RBBP8: variants seen among roughly 807,000 people sequenced by gnomAD.
The protein encoded by RBBP8 is RB binding protein 8, endonuclease.
A neutral mutation model predicts 108.3 loss-of-function variants in RBBP8; 88 were observed. The ratio of observed to expected loss-of-function variants is 0.81; its 90% CI spans 0.68 to 0.97. The LOEUF (loss-of-function observed/expected upper bound fraction) is 0.97. Ranked by LOEUF, RBBP8 falls within the 50% of genes least tolerant of loss-of-function variation. The pLI is 0.00. For synonymous variants in RBBP8, 332 were observed against 348.2 expected, an observed-to-expected ratio of 0.95 and a Z score of 0.52; for missense variants, 1,023 against 1,049.0, an observed-to-expected ratio of 0.98 and a Z score of 0.34.
chr18:22,929,503 TGTGTG>T (rs756559598), upstream of RBBP8: 22,578 of 65,618 alleles, frequency 0.34, 2,936 homozygotes, highest in Middle Eastern at 0.41. Flanking sequence ...TGTGTGTGTG[TGTGTG>T]TGAAGAGACA....
intron 3 of RBBP8, chr18:22,920,784 T>C (rs1212807347): frequency 6.6e-6 from 1 of 152,190 alleles, no homozygotes; most frequent in Admixed American, 6.5e-5. Context: ...CTATTAAAAA[T>C]GCAGATCGAT....
intron 16 of RBBP8, among the ~76,000 whole-genome samples, chr18:23,010,258 A>G (rs1480009448): frequency 6.6e-6 from 1 of 152,014 alleles, no homozygotes; most frequent in African/African-American, 2.4e-5. Flanking sequence ...TTCTCTTTTC[A>G]TATTTTTGCC....
At chr18:22,918,528 T>C (rs954560158) in intron 3 of RBBP8, among the ~76,000 whole-genome samples, 4 of 152,242 alleles carry the variant, frequency 2.6e-5, no homozygotes, top group East Asian at 3.8e-4. Flanking sequence ...TATAATCTTA[T>C]AGGACCACTG....
chr18:22,996,355 C>G lies in RBBP8; in HGVS notation c.1940-19C>G. ...TTGAAATCAGTTTTTTAATTGCATG[C>G]TCTTTCCCTTTACCTAAGATGTATC... On this transcript the variant is annotated intron_variant, in intron 12 of 18. Coordinates refer to ENST00000327155, the MANE Select transcript of RBBP8 (RefSeq NM_002894.3). The G allele has an allele frequency of 6.2e-7, 1 of 1,612,756 alleles. No homozygotes were observed. The highest frequency in any genetic ancestry group is 1.1e-5 in the South Asian group (1 of 91,046).
chr18:22,992,440 C>T (rs952077968), intron 10 of RBBP8, among the ~76,000 whole-genome samples: 1 of 152,226 alleles, frequency 6.6e-6, no homozygotes, highest in Non-Finnish European at 1.5e-5. Flanking sequence ...AAGTGATCTG[C>T]CCACCTTGGC....
At chr18:22,987,706 A>C (rs948379263) in intron 8 of RBBP8, among the ~76,000 whole-genome samples, 4 of 152,210 alleles carry the variant, frequency 2.6e-5, no homozygotes, top group African/African-American at 7.2e-5. Context: ...CACCTGCTTC[A>C]GCCTGCCAAA....
At chr18:22,989,929 A>C (rs947778384) in intron 9 of RBBP8, among the ~76,000 whole-genome samples, 3 of 152,164 alleles carry the variant, frequency 2.0e-5, no homozygotes, top group Non-Finnish European at 2.9e-5. Flanking sequence ...TCAGCCTCTC[A>C]AAGTGTTGAG....
chr18:22,959,079 G>A (rs542941443), intron 4 of RBBP8, among the ~76,000 whole-genome samples: 163 of 152,278 alleles, frequency 1.1e-3, no homozygotes, highest in African/African-American at 3.8e-3. Flanking sequence ...GAATGTGATC[G>A]ATAAATGTGG....
chr18:23,015,735 G>A (rs2046244073), intron 16 of RBBP8, among the ~76,000 whole-genome samples: 2 of 151,962 alleles, frequency 1.3e-5, no homozygotes. Context: ...CAATGAAGGT[G>A]CGTGGCTCCT....
chr18:23,024,310 T>G (rs2046420893), intron 18 of RBBP8, among the ~76,000 whole-genome samples: 1 of 144,286 alleles, frequency 6.9e-6, no homozygotes, highest in Admixed American at 6.8e-5. Context: ...AGACATTCAA[T>G]CAAACATTCT....
chr18:23,018,709 T>A (rs955346447), intron 17 of RBBP8, among the ~76,000 whole-genome samples: 2 of 152,152 alleles, frequency 1.3e-5, no homozygotes, highest in Non-Finnish European at 2.9e-5. Context: ...GATGAAGGTT[T>A]TTTTCCTGAA....
At chr18:22,986,709 G>C (rs185085343) in intron 8 of RBBP8, among the ~76,000 whole-genome samples, 21 of 152,326 alleles carry the variant, frequency 1.4e-4, no homozygotes, top group East Asian at 1.2e-3. Flanking sequence ...CCAGAGCCCA[G>C]TTGGGAGGGT....
intron 1 of RBBP8, chr18:22,914,387 A>C (rs1037513337): frequency 1.2e-3 from 177 of 152,038 alleles, no homozygotes; most frequent in African/African-American, 4.0e-3. Flanking sequence ...AAAGATAATC[A>C]ATTTTTAACA....
chr18:22,918,013 AAC>A (rs1491467201), intron 3 of RBBP8, among the ~76,000 whole-genome samples: 3 of 151,814 alleles, frequency 2.0e-5, no homozygotes, highest in Non-Finnish European at 2.9e-5. Context: ...AAAAAAAAAA[AAC>A]ATATAATGTT....
At position 22,949,642 on chromosome 18, in the gene RBBP8, C is replaced by T; in HGVS notation, c.177C>T (p.Phe59=). 1 of 1,612,868 alleles carries T rather than the reference C, an allele frequency of 6.2e-7. No homozygotes were observed. Among genetic ancestry groups the T allele is most frequent in the African/African-American group, 1.3e-5 (1 of 74,974 alleles). ...GAGATGCACAAAGACTAGAAGAATT[C>T]TTCACCAAAAATCAACAGCTGAGGG... ...RILDAQRLEE[F]FTKNQQLREQ... The change falls in exon 4 of 19, where the codon TTC becomes TTT. Residue 59 remains phenylalanine, a synonymous_variant. Coordinates refer to ENST00000327155, the MANE Select transcript of RBBP8 (RefSeq NM_002894.3).
At chr18:23,001,832 A>G (rs1177020660) in intron 15 of RBBP8, 103 bp downstream of exon 15, 2 of 1,416,364 alleles carry the variant, frequency 1.4e-6, no homozygotes, top group Non-Finnish European at 2.0e-6. Context: ...CAACAATTGA[A>G]GTTTCATATT....
At chr18:23,021,129 G>A (rs192786809) in intron 17 of RBBP8, among the ~76,000 whole-genome samples, 29 of 152,288 alleles carry the variant, frequency 1.9e-4, no homozygotes, top group Admixed American at 4.6e-4. Context: ...GATTAAATAT[G>A]TGATTCTGGG....
chr18:22,968,718 C>A, intron 4 of RBBP8, 88 bp from the exon 5 acceptor site: 1 of 1,028,898 alleles, frequency 9.7e-7, no homozygotes, highest in Non-Finnish European at 1.5e-6. Flanking sequence ...TTTGCCAAGT[C>A]AGTTCCTTAA....
chr18:22,992,858 C>T lies in RBBP8; in HGVS notation c.1031C>T (p.Thr344Ile), dbSNP rs766104482. 20 of 1,613,710 alleles carry T rather than the reference C, an allele frequency of 1.2e-5. No homozygotes were observed. Among genetic ancestry groups the T allele is most frequent in the Non-Finnish European group, 1.6e-5 (19 of 1,179,756 alleles). Residue 344 changes from threonine (T) to isoleucine (I), a missense_variant, in exon 11 of 19, where the codon ACA becomes ATA. By Grantham distance (89) the Thr-to-Ile change is moderately conservative. Coordinates refer to ENST00000327155, the MANE Select transcript of RBBP8 (RefSeq NM_002894.3). Reference sequence around the variant, plus strand: ...ATCAAAAGTGGTTTAGATTTGAATACAAGTTTGTCCCCTTCTCTTTTACAG... The same window carrying T: ...ATCAAAAGTGGTTTAGATTTGAATATAAGTTTGTCCCCTTCTCTTTTACAG... ...SSIKSGLDLN[T>I]SLSPSLLQPG... is the part of the protein sequence containing the mutation.
Sources: gnomAD v4.1 joint callset for allele counts (sites outside exome capture counted in the v4.1 genomes callset) on GRCh38, gnomAD v4.1.1 for gene constraint, MANE v1.5 for transcripts, NCBI Gene and HGNC (gene_info 2026-07-23, HGNC 2026-07-21) for gene names.